The following DACH2 variants were observed in gnomAD, a reference collection of about 807,000 sequenced individuals.
DACH2 encodes the protein dachshund family transcription factor 2.
A neutral mutation model predicts 35.8 loss-of-function variants in DACH2; 17 were observed. The observed-to-expected ratio is 0.48, with a 90% CI of 0.33 to 0.71. The LOEUF is 0.71. DACH2 is among the 30% of genes least tolerant of loss of function. The pLI is 0.02. For synonymous variants in DACH2, 195 were observed against 177.3 expected (o/e 1.10, Z -0.79); for missense variants, 469 against 472.7 (o/e 0.99, Z 0.07).
At chrX:86,237,969 CCTT>C (rs1265159832) in intron 1 of DACH2, among the ~76,000 whole-genome samples, 6 of 112,141 alleles carry the variant, frequency 5.4e-5, no homozygotes, top group East Asian at 5.7e-4. Flanking sequence ...GCTCTTCTCT[CCTT>C]CTTATCTCGC....
At chrX:86,801,129 C>T in intron 7 of DACH2, among the ~76,000 whole-genome samples, 1 of 111,235 alleles carries the variant, frequency 9.0e-6, no homozygotes, top group Middle Eastern at 4.6e-3. Context: ...AAGTTTATAA[C>T]AGTATTGAAA....
chrX:86,444,306 T>C lies in DACH2; in HGVS notation c.527+67444T>C, dbSNP rs756564202. On this transcript the variant is annotated intron_variant, in intron 2 of 11. Coordinates refer to ENST00000373125, the MANE Select transcript of DACH2 (RefSeq NM_053281.3). Reference sequence around the variant, plus strand: ...GGTCTTGCTATGTTGCCCAGGCTGATCTCAAACTCCTGGTCTCAAGCAATC... The same window carrying C: ...GGTCTTGCTATGTTGCCCAGGCTGACCTCAAACTCCTGGTCTCAAGCAATC... Among the ~76,000 whole-genome samples, 423 of 111,064 alleles carry C rather than the reference T, an allele frequency of 3.8e-3. 2 individuals are homozygous for C. Among genetic ancestry groups the C allele is most frequent in the African/African-American group, 0.014 (414 of 30,533 alleles).
At chrX:86,289,801 T>G (rs1383844010) in intron 1 of DACH2, among the ~76,000 whole-genome samples, 1 of 109,580 alleles carries the variant, frequency 9.1e-6, no homozygotes, top group Non-Finnish European at 1.9e-5. Context: ...TGTGCCACAT[T>G]TTCTTAATCC....
chrX:86,434,945 G>A (rs773714796), intron 2 of DACH2, among the ~76,000 whole-genome samples: 14 of 110,211 alleles, frequency 1.3e-4, no homozygotes, highest in Non-Finnish European at 2.3e-4. Context: ...GTTGGGAGGG[G>A]GAAGTGCCAC....
At chrX:86,680,735 C>A (rs1352205956) in intron 4 of DACH2, among the ~76,000 whole-genome samples, 1 of 105,857 alleles carries the variant, frequency 9.4e-6, no homozygotes, top group African/African-American at 3.5e-5. Context: ...CTCACTGCAG[C>A]CTTGACCTCC....
intron 7 of DACH2, chrX:86,799,196 A>C (rs2042267742): frequency 3.9e-6 from 1 of 258,340 alleles, no homozygotes; most frequent in Non-Finnish European, 7.6e-6. Flanking sequence ...TTGAAACTGA[A>C]GGCACTTTCC....
chrX:86,251,246 G>A (rs1236151593), intron 1 of DACH2, among the ~76,000 whole-genome samples: 2 of 111,602 alleles, frequency 1.8e-5, no homozygotes, highest in Non-Finnish European at 3.8e-5. Context: ...CGATATCAAA[G>A]TTGTAAAAGC....
intron 3 of DACH2, among the ~76,000 whole-genome samples, chrX:86,620,797 C>CAA (rs201947312): frequency 8.8e-4 from 80 of 91,280 alleles, no homozygotes; most frequent in African/African-American, 1.6e-3. Context: ...GCAAATAAAA[C>CAA]AAAAAAAAAA....
intron 1 of DACH2, among the ~76,000 whole-genome samples, chrX:86,349,187 G>A (rs1447877645): frequency 1.8e-5 from 2 of 111,666 alleles, no homozygotes; most frequent in African/African-American, 6.5e-5. Context: ...TGGATGGGGA[G>A]GCCAGAAGGG....
At chrX:86,185,468 T>C (rs943511180) in intron 1 of DACH2, among the ~76,000 whole-genome samples, 2 of 111,511 alleles carry the variant, frequency 1.8e-5, no homozygotes, top group Non-Finnish European at 3.8e-5. Flanking sequence ...GTAATTAGTT[T>C]AAGAGGTTGA....
chrX:86,260,283 G>C (rs1432487331), intron 1 of DACH2, among the ~76,000 whole-genome samples: 2 of 110,457 alleles, frequency 1.8e-5, no homozygotes, highest in African/African-American at 6.6e-5. Flanking sequence ...ACTTAACTTA[G>C]TGCTGGGAGA....
At chrX:86,436,801 T>C (rs770321691) in intron 2 of DACH2, among the ~76,000 whole-genome samples, 3 of 111,919 alleles carry the variant, frequency 2.7e-5, no homozygotes, top group African/African-American at 9.7e-5. Flanking sequence ...TATTGTTTAT[T>C]GATTCAACTT....
intron 2 of DACH2, among the ~76,000 whole-genome samples, chrX:86,409,475 G>C (rs2036577007): frequency 9.0e-6 from 1 of 111,069 alleles, no homozygotes; most frequent in Non-Finnish European, 1.9e-5. Flanking sequence ...CCATTCCTTG[G>C]TGCTGTCCTT....
intron 2 of DACH2, among the ~76,000 whole-genome samples, chrX:86,458,953 G>A (rs2037521248): frequency 9.0e-6 from 1 of 110,518 alleles, no homozygotes; most frequent in Non-Finnish European, 1.9e-5. Context: ...AACCACCAGG[G>A]CACGTGTATA....
chrX:86,747,714 G>C (rs1008133279), intron 7 of DACH2, among the ~76,000 whole-genome samples: 5 of 111,862 alleles, frequency 4.5e-5, no homozygotes, highest in African/African-American at 1.6e-4. Flanking sequence ...GATGGCTGCT[G>C]ACAGATCAGG....
chrX:86,241,696 GCAGCCCCTCCCAT>G (rs1338852554), intron 1 of DACH2, among the ~76,000 whole-genome samples: 1 of 112,460 alleles, frequency 8.9e-6, no homozygotes, highest in African/African-American at 3.2e-5. Context: ...GACTGTCACA[GCAGCCCCTCCCAT>G]CACAGGCCCT....
intron 6 of DACH2, among the ~76,000 whole-genome samples, chrX:86,731,608 T>C (rs1464507176): frequency 3.6e-5 from 4 of 112,199 alleles, no homozygotes; most frequent in African/African-American, 1.3e-4. Flanking sequence ...TAACAGAGAA[T>C]GGTATTAAAT....
At chrX:86,314,733 T>C (rs2034864749) in intron 1 of DACH2, among the ~76,000 whole-genome samples, 1 of 112,136 alleles carries the variant, frequency 8.9e-6, no homozygotes, top group Non-Finnish European at 1.9e-5. Context: ...TTGTGTGGTC[T>C]GGCTAGATCA....
chrX:86,502,313 G>A (rs2038263328), intron 2 of DACH2, among the ~76,000 whole-genome samples: 1 of 111,643 alleles, frequency 9.0e-6, no homozygotes, highest in African/African-American at 3.3e-5. Context: ...GCCTGGAGCT[G>A]GAAAGGGTGT....
Sources: allele counts gnomAD v4.1 joint callset (sites outside exome capture counted in the v4.1 genomes callset), GRCh38; gene constraint gnomAD v4.1.1; transcripts MANE v1.5; gene names NCBI Gene and HGNC (gene_info 2026-07-23, HGNC 2026-07-21).